Variants in TENM3 observed in about 807,000 individuals in gnomAD.
TENM3 encodes teneurin-3.
A neutral mutation model predicts 255.1 loss-of-function variants in TENM3; 63 were observed. That is an observed-to-expected ratio of 0.25 (90% CI 0.20 to 0.30). The LOEUF (loss-of-function observed/expected upper bound fraction) is 0.30, where lower values mean the gene tolerates loss of function less well. Ranked by LOEUF, TENM3 falls within the 10% of genes least tolerant of loss-of-function variation. The pLI is 1.00. For synonymous variants in TENM3, 1,306 were observed against 1,322.3 expected (o/e 0.99, Z 0.27); for missense variants, 2,929 against 3,461.1 (o/e 0.85, Z 3.86).
the TENM3 span, among the ~76,000 whole-genome samples, chr4:181,521,387 G>C: frequency 6.6e-6 from 1 of 152,228 alleles, no homozygotes; most frequent in Admixed American, 6.5e-5. Flanking sequence ...TGTAAGTGTG[G>C]TCTGGTGTAC....
chr4:182,553,656 G>A (rs1253699827), intron 3 of TENM3, among the ~76,000 whole-genome samples: 3 of 152,200 alleles, frequency 2.0e-5, no homozygotes, highest in East Asian at 1.9e-4. Flanking sequence ...TGCTAGGGAC[G>A]ATGTCTACTA....
chr4:182,727,679 A>G (rs777259856), intron 13 of TENM3, among the ~76,000 whole-genome samples: 13 of 152,136 alleles, frequency 8.5e-5, no homozygotes, highest in Non-Finnish European at 1.3e-4. Context: ...TTATGTCATC[A>G]ATACTATAGG....
chr4:182,684,901 A>G (rs933847196), intron 11 of TENM3, among the ~76,000 whole-genome samples: 6 of 152,192 alleles, frequency 3.9e-5, no homozygotes, highest in African/African-American at 1.4e-4. Context: ...ATTTTTAGCA[A>G]GAAGTAAAAA....
chr4:182,319,723 T>C (rs1315317390), intron 1 of TENM3, among the ~76,000 whole-genome samples: 3 of 152,252 alleles, frequency 2.0e-5, no homozygotes, highest in African/African-American at 7.2e-5. Context: ...TAATTGCTAT[T>C]ACTGTGTTAA....
the TENM3 span, among the ~76,000 whole-genome samples, chr4:182,000,206 T>A: frequency 1.3e-5 from 2 of 152,178 alleles, no homozygotes; most frequent in Non-Finnish European, 2.9e-5. Flanking sequence ...CAGTGAAATA[T>A]AATCCAACTC....
At chr4:181,860,105 G>A in the TENM3 span, among the ~76,000 whole-genome samples, 3 of 152,100 alleles carry the variant, frequency 2.0e-5, no homozygotes, top group African/African-American at 7.2e-5. Flanking sequence ...ATCTTATTCT[G>A]CCTGGTTCCA....
At chr4:181,779,745 G>A in the TENM3 span, among the ~76,000 whole-genome samples, 35 of 151,970 alleles carry the variant, frequency 2.3e-4, no homozygotes, top group African/African-American at 8.0e-4. Context: ...CCATTAACTC[G>A]TCATTTACAT....
At chr4:181,500,399 G>A in the TENM3 span, among the ~76,000 whole-genome samples, 1 of 151,956 alleles carries the variant, frequency 6.6e-6, no homozygotes, top group South Asian at 2.1e-4. Flanking sequence ...TCGGGGGTGG[G>A]GGAGGCTGGA....
the TENM3 span, among the ~76,000 whole-genome samples, chr4:182,106,385 C>A: frequency 6.6e-6 from 1 of 152,088 alleles, no homozygotes; most frequent in Admixed American, 6.6e-5. Context: ...CACTTGAGCC[C>A]GGAAGTCAAA....
intron 4 of TENM3, among the ~76,000 whole-genome samples, chr4:182,615,290 G>T (rs1007550865): frequency 3.5e-5 from 5 of 142,486 alleles, no homozygotes; most frequent in Non-Finnish European, 6.4e-5. Flanking sequence ...GAGGAAAAAA[G>T]AATATATAAA....
intron 6 of TENM3, among the ~76,000 whole-genome samples, chr4:182,659,680 T>G (rs1319589400): frequency 6.6e-6 from 1 of 152,218 alleles, no homozygotes; most frequent in Non-Finnish European, 1.5e-5. Context: ...CTGTTTTCTC[T>G]CAGCTGGATA....
the TENM3 span, among the ~76,000 whole-genome samples, chr4:181,607,934 G>T: frequency 6.6e-6 from 1 of 152,124 alleles, no homozygotes; most frequent in Non-Finnish European, 1.5e-5. Context: ...GTGGCAAATG[G>T]TGACAATTGG....
intron 1 of TENM3, among the ~76,000 whole-genome samples, chr4:182,284,085 G>A (rs1760573011): frequency 6.6e-6 from 1 of 152,076 alleles, no homozygotes; most frequent in African/African-American, 2.4e-5. Flanking sequence ...CCTTTACAAA[G>A]TCTACGTTTA....
chr4:182,041,013 T>C, the TENM3 span, among the ~76,000 whole-genome samples: 1 of 152,168 alleles, frequency 6.6e-6, no homozygotes, highest in Non-Finnish European at 1.5e-5. Context: ...CTGAGTGACA[T>C]GCAAAAATAG....
chr4:182,602,531 T>A (rs192927324), intron 4 of TENM3, among the ~76,000 whole-genome samples: 1 of 152,358 alleles, frequency 6.6e-6, no homozygotes, highest in Admixed American at 6.5e-5. Flanking sequence ...TGTTTTCTTT[T>A]ACTCTTGACC....
chr4:182,009,802 A>G, the TENM3 span, among the ~76,000 whole-genome samples: 3 of 152,184 alleles, frequency 2.0e-5, no homozygotes, highest in Non-Finnish European at 4.4e-5. Context: ...AAATCTGCAC[A>G]TTCTGGGGTT....
intron 1 of TENM3, among the ~76,000 whole-genome samples, chr4:182,285,223 T>A (rs535958006): frequency 6.7e-6 from 1 of 149,214 alleles, no homozygotes; most frequent in East Asian, 1.9e-4. Context: ...GTGAATTAGA[T>A]GAAAATTCAG....
At chr4:182,638,451 G>C (rs1361780807) in intron 5 of TENM3, among the ~76,000 whole-genome samples, 2 of 151,988 alleles carry the variant, frequency 1.3e-5, no homozygotes, top group Non-Finnish European at 2.9e-5. Flanking sequence ...TTTCATGATT[G>C]AGTTGGGCCT....
the TENM3 span, among the ~76,000 whole-genome samples, chr4:181,862,648 T>C: frequency 1.2e-4 from 18 of 152,166 alleles, no homozygotes; most frequent in African/African-American, 3.6e-4. Context: ...TTCTTTTCCA[T>C]GTGTTTTCTC....
Sources: gnomAD v4.1 joint callset for allele counts (sites outside exome capture counted in the v4.1 genomes callset) on GRCh38, gnomAD v4.1.1 for gene constraint, MANE v1.5 for transcripts, NCBI Gene and HGNC (gene_info 2026-07-23, HGNC 2026-07-21) for gene names.